DLGAP1: variants seen among roughly 807,000 people sequenced by gnomAD.
DLGAP1 encodes the protein disks large-associated protein 1.
DLGAP1 carries 11 observed loss-of-function variants against 90.8 expected under a neutral mutation model. The ratio of observed to expected loss-of-function variants is 0.12; its 90% confidence interval spans 0.08 to 0.20. The LOEUF (loss-of-function observed/expected upper bound fraction) is 0.20, where lower values mean the gene tolerates loss of function less well. Ranked by LOEUF, DLGAP1 falls within the 10% of genes least tolerant of loss-of-function variation. The pLI, the probability that DLGAP1 is intolerant of heterozygous loss-of-function variation, is 1.00. For missense variants in DLGAP1, 1,050 were observed against 1,333.8 expected (o/e 0.79, Z 3.31); for synonymous variants, 558 against 540.7 (o/e 1.03, Z -0.44).
intron 2 of DLGAP1, among the ~76,000 whole-genome samples, chr18:4,118,463 A>G (rs2076098161): frequency 6.6e-6 from 1 of 152,104 alleles, no homozygotes; most frequent in South Asian, 2.1e-4. Flanking sequence ...TCAGGGCCTC[A>G]CTATTCTCTC....
intron 3 of DLGAP1, among the ~76,000 whole-genome samples, chr18:3,882,081 A>G (rs555448510): frequency 6.6e-6 from 1 of 152,356 alleles, no homozygotes; most frequent in African/African-American, 2.4e-5. Flanking sequence ...AAAAGTAAAG[A>G]TATGGCAAAT....
At chr18:4,382,607 A>T (rs983874359) in intron 1 of DLGAP1, among the ~76,000 whole-genome samples, 5 of 152,006 alleles carry the variant, frequency 3.3e-5, no homozygotes, top group Non-Finnish European at 7.4e-5. Context: ...CTTTGCAATT[A>T]AAAAAACCTA....
Position 4,383,043 on chromosome 18 carries a change from A to C in DLGAP1, c.-267+71963T>G, listed in dbSNP as rs1303901498. Among the ~76,000 whole-genome samples the C allele has an allele frequency of 3.9e-5, 6 of 152,154 alleles. No homozygotes were observed. Among genetic ancestry groups the C allele is most frequent in the Admixed American group, 3.9e-4 (6 of 15,262 alleles). On this transcript the variant is annotated intron_variant, in intron 1 of 12. Transcript: ENST00000315677. This position sits in a 1 kb window ranked among gnomAD's most constrained non-coding sequence, Gnocchi z 4.0. ...ATAACCAGCCATGTCTTTCCATTAC[A>C]TTATCTTGCCTAATAGAGGTCAAAT...
intron 1 of DLGAP1, among the ~76,000 whole-genome samples, chr18:4,202,703 T>G (rs2077630850): frequency 6.6e-6 from 1 of 152,134 alleles, no homozygotes; most frequent in Non-Finnish European, 1.5e-5. Flanking sequence ...TCTCAGTTTT[T>G]TCAATCTACA....
chr18:3,922,441 C>T (rs1007705506), intron 3 of DLGAP1, among the ~76,000 whole-genome samples: 1 of 152,130 alleles, frequency 6.6e-6, no homozygotes, highest in Admixed American at 6.5e-5. Flanking sequence ...GTATTACTCT[C>T]TAGGGATAAA....
At chr18:4,233,613 A>G (rs2078343981) in intron 1 of DLGAP1, among the ~76,000 whole-genome samples, 3 of 152,142 alleles carry the variant, frequency 2.0e-5, no homozygotes, top group South Asian at 4.1e-4. Flanking sequence ...TCCATGCTTT[A>G]TTTGTTAGAA....
At chr18:4,271,005 A>G (rs555506) in intron 1 of DLGAP1, among the ~76,000 whole-genome samples, 13,334 of 152,228 alleles carry the variant, frequency 0.088, 1,242 homozygotes, top group African/African-American at 0.24. Flanking sequence ...AAGCTTAGAA[A>G]CATAATTTTA....
intron 4 of DLGAP1, among the ~76,000 whole-genome samples, chr18:3,866,525 G>A (rs1033045781): frequency 5.3e-5 from 8 of 152,160 alleles, no homozygotes; most frequent in East Asian, 1.9e-4. Flanking sequence ...CTGTTCTTGC[G>A]TCCATGTGAG....
chr18:3,546,306 C>G (rs1277142793), intron 9 of DLGAP1, among the ~76,000 whole-genome samples: 2 of 151,656 alleles, frequency 1.3e-5, no homozygotes, highest in African/African-American at 4.8e-5. Flanking sequence ...CCCAGCTACA[C>G]CGGAGACTGA....
chr18:4,163,007 C>T (rs752686694), intron 1 of DLGAP1, among the ~76,000 whole-genome samples: 7 of 152,094 alleles, frequency 4.6e-5, no homozygotes, highest in African/African-American at 9.7e-5. Flanking sequence ...GAGTCTGACT[C>T]GCCCACTGCT....
chr18:4,138,429 T>C (rs867937762), intron 2 of DLGAP1, among the ~76,000 whole-genome samples: 2 of 152,022 alleles, frequency 1.3e-5, no homozygotes, highest in Non-Finnish European at 2.9e-5. Flanking sequence ...TGGGCAAATA[T>C]TTCTATTGAT....
chr18:4,406,273 AG>A (rs2082663276), intron 1 of DLGAP1, among the ~76,000 whole-genome samples: 1 of 152,180 alleles, frequency 6.6e-6, no homozygotes, highest in Admixed American at 6.5e-5. Flanking sequence ...TGATGCAGAA[AG>A]GGAGGGGAGT....
intron 1 of DLGAP1, among the ~76,000 whole-genome samples, chr18:4,359,033 A>G (rs1598278794): frequency 1.3e-5 from 2 of 152,230 alleles, no homozygotes; most frequent in Non-Finnish European, 1.5e-5. Flanking sequence ...TCCTAAAGGA[A>G]GCTTGGATGT....
At chr18:4,198,074 T>C (rs1029266574) in intron 1 of DLGAP1, among the ~76,000 whole-genome samples, 1 of 151,478 alleles carries the variant, frequency 6.6e-6, no homozygotes, top group Non-Finnish European at 1.5e-5. Context: ...ATACAAAAAA[T>C]CAGCCGGGGC....
intron 3 of DLGAP1, among the ~76,000 whole-genome samples, chr18:3,937,428 T>C (rs2148940773): frequency 6.6e-6 from 1 of 152,232 alleles, no homozygotes; most frequent in East Asian, 1.9e-4. Flanking sequence ...TCAGATCTCA[T>C]GAGACTTGTT....
intron 7 of DLGAP1, among the ~76,000 whole-genome samples, chr18:3,668,460 T>C (rs925170209): frequency 1.3e-4 from 20 of 152,132 alleles, no homozygotes; most frequent in African/African-American, 4.3e-4. Context: ...TACAGGCACA[T>C]GCCACCACAC....
chr18:3,763,022 T>G (rs1039413161), intron 5 of DLGAP1, among the ~76,000 whole-genome samples: 1 of 152,196 alleles, frequency 6.6e-6, no homozygotes, highest in African/African-American at 2.4e-5. Context: ...TGGTTAATAT[T>G]GAGTGTCAAC....
At chr18:3,713,170 TTC>T (rs1214561815) in intron 7 of DLGAP1, among the ~76,000 whole-genome samples, 7 of 152,200 alleles carry the variant, frequency 4.6e-5, no homozygotes, top group Non-Finnish European at 8.8e-5. Flanking sequence ...ATTCTACCGT[TTC>T]TCTGTTTCCC....
At chr18:4,027,763 A>G (rs2074727930) in intron 2 of DLGAP1, among the ~76,000 whole-genome samples, 4 of 152,166 alleles carry the variant, frequency 2.6e-5, no homozygotes, top group Non-Finnish European at 4.4e-5. Flanking sequence ...AAAAACAGAG[A>G]GATAGCAAAA....
Sources: allele counts gnomAD v4.1 joint callset (sites outside exome capture counted in the v4.1 genomes callset), GRCh38; gene constraint gnomAD v4.1.1; non-coding constraint Gnocchi (gnomAD v3.1); transcripts MANE v1.5; gene names NCBI Gene and HGNC (gene_info 2026-07-23, HGNC 2026-07-21).